AFG2A: variants seen among roughly 807,000 people sequenced by gnomAD.
AFG2A encodes the protein AAA ATPase AFG2A, also known as ATPase family gene 2 protein homolog A.
the AFG2A span, chr4:122,934,714 C>G: frequency 1.3e-6 from 2 of 1,583,058 alleles, no homozygotes; most frequent in African/African-American, 2.7e-5. Flanking sequence ...GCCCCTCAAA[C>G]AGCCTGAGCT....
the AFG2A span, among the ~76,000 whole-genome samples, chr4:123,060,130 G>T: frequency 6.6e-6 from 1 of 152,230 alleles, no homozygotes; most frequent in Non-Finnish European, 1.5e-5. Context: ...CTCTGCCTCT[G>T]TAGCTTGGCA....
chr4:122,973,616 C>T, the AFG2A span, among the ~76,000 whole-genome samples: 4 of 152,094 alleles, frequency 2.6e-5, no homozygotes, highest in African/African-American at 9.7e-5. Context: ...GCATTGCAAA[C>T]ATTGCAACAG....
chr4:123,149,467 T>A, the AFG2A span, among the ~76,000 whole-genome samples: 1 of 152,228 alleles, frequency 6.6e-6, no homozygotes, highest in Non-Finnish European at 1.5e-5. Context: ...CGAAGCTTTT[T>A]CTCTGCTTCG....
At chr4:123,058,479 G>T in the AFG2A span, among the ~76,000 whole-genome samples, 3 of 152,172 alleles carry the variant, frequency 2.0e-5, no homozygotes, top group African/African-American at 7.2e-5. Flanking sequence ...ATAGAAATTA[G>T]CTGGGCGTGG....
At chr4:123,042,215 C>T in the AFG2A span, among the ~76,000 whole-genome samples, 6 of 152,182 alleles carry the variant, frequency 3.9e-5, no homozygotes, top group African/African-American at 1.4e-4. Context: ...AAATCTATTT[C>T]TCACAATCCT....
At chr4:122,935,503 C>G in the AFG2A span, among the ~76,000 whole-genome samples, 1 of 151,398 alleles carries the variant, frequency 6.6e-6, no homozygotes, top group Non-Finnish European at 1.5e-5. Context: ...CATGCTTCCT[C>G]TGTTCTGTGG....
the AFG2A span, among the ~76,000 whole-genome samples, chr4:123,246,318 C>T: frequency 8.5e-4 from 130 of 152,236 alleles, no homozygotes; most frequent in Middle Eastern, 3.4e-3. Flanking sequence ...AATTTAGGGC[C>T]TCGAAATTGT....
the AFG2A span, among the ~76,000 whole-genome samples, chr4:122,929,994 T>C: frequency 1.3e-5 from 2 of 152,232 alleles, no homozygotes; most frequent in African/African-American, 4.8e-5. Context: ...GCAGTGTTTT[T>C]CACCTTGACT....
the AFG2A span, among the ~76,000 whole-genome samples, chr4:122,966,262 C>G: frequency 6.6e-6 from 1 of 152,156 alleles, no homozygotes. Flanking sequence ...GGATCTCTTA[C>G]GTTTTTATAG....
chr4:123,097,144 G>A, the AFG2A span, among the ~76,000 whole-genome samples: 1 of 151,926 alleles, frequency 6.6e-6, no homozygotes, highest in East Asian at 1.9e-4. Flanking sequence ...TTAAAATTTA[G>A]TTTTCTAGAA....
chr4:122,997,618 G>C, the AFG2A span, among the ~76,000 whole-genome samples: 1 of 152,032 alleles, frequency 6.6e-6, no homozygotes, highest in Non-Finnish European at 1.5e-5. Flanking sequence ...ACAAGTTTTC[G>C]TGTGAATACT....
the AFG2A span, among the ~76,000 whole-genome samples, chr4:123,003,687 C>G: frequency 6.6e-6 from 1 of 151,884 alleles, no homozygotes; most frequent in South Asian, 2.1e-4. Context: ...GAGGAGTACC[C>G]GGCCGTGTGA....
the AFG2A span, among the ~76,000 whole-genome samples, chr4:123,137,873 C>A: frequency 6.6e-6 from 1 of 152,090 alleles, no homozygotes; most frequent in Non-Finnish European, 1.5e-5. Flanking sequence ...TTACAATATT[C>A]ACATCTAAGT....
the AFG2A span, among the ~76,000 whole-genome samples, chr4:123,151,500 A>G: frequency 7.9e-5 from 12 of 152,338 alleles, no homozygotes; most frequent in African/African-American, 2.9e-4. Context: ...TCAAAGAAAG[A>G]CGTTTATGCA....
At chr4:123,303,277 T>C in the AFG2A span, among the ~76,000 whole-genome samples, 1 of 152,136 alleles carries the variant, frequency 6.6e-6, no homozygotes, top group Admixed American at 6.5e-5. Flanking sequence ...CAAAAACTAT[T>C]TGGAAGGCTG....
At chr4:123,007,169 C>T in the AFG2A span, among the ~76,000 whole-genome samples, 1 of 151,508 alleles carries the variant, frequency 6.6e-6, no homozygotes, top group South Asian at 2.1e-4. Flanking sequence ...CCTTTTTAGT[C>T]TTGTGTTTAA....
At chr4:123,094,412 A>C in the AFG2A span, among the ~76,000 whole-genome samples, 3 of 152,174 alleles carry the variant, frequency 2.0e-5, no homozygotes, top group African/African-American at 7.2e-5. Flanking sequence ...AAAGACTTAT[A>C]GCCAATTAAA....
the AFG2A span, among the ~76,000 whole-genome samples, chr4:123,161,825 G>A: frequency 6.6e-6 from 1 of 152,118 alleles, no homozygotes; most frequent in Admixed American, 6.5e-5. Flanking sequence ...ATAAAAATAA[G>A]ACAAGGATAT....
At chr4:123,009,957 C>T in the AFG2A span, among the ~76,000 whole-genome samples, 6 of 152,076 alleles carry the variant, frequency 3.9e-5, no homozygotes, top group Non-Finnish European at 8.8e-5. Flanking sequence ...TAATAGGCAG[C>T]CTTCTTTGCA....
Sources: allele counts gnomAD v4.1 joint callset (sites outside exome capture counted in the v4.1 genomes callset), GRCh38; gene constraint gnomAD v4.1.1; transcripts MANE v1.5; gene names NCBI Gene and HGNC (gene_info 2026-07-23, HGNC 2026-07-21).